Variants in TRIM3 observed in about 807,000 individuals in gnomAD.
TRIM3 encodes the protein tripartite motif containing 3.
In TRIM3, 13 loss-of-function variants were observed where a neutral mutation model predicts 66.6. That is an observed-to-expected ratio of 0.20 (90% CI 0.13 to 0.31). The LOEUF (loss-of-function observed/expected upper bound fraction) is 0.31. Among genes scored for constraint, TRIM3 ranks in the 10% least tolerant of loss-of-function variants. The probability of loss-of-function intolerance (pLI) is 1.00; values close to 1 mark genes in which losing one functional copy is unlikely to be tolerated. For synonymous variants in TRIM3, 406 were observed against 411.7 expected (o/e 0.99, Z 0.17); for missense variants, 711 against 1,020.4 (o/e 0.70, Z 4.13).
Position 6,456,174 on chromosome 11 carries a change from G to T in TRIM3, c.1431C>A (p.Gly477=). The change falls in exon 7 of 12, where the codon GGC becomes GGA. Residue 477 remains glycine, a splice_region_variant and synonymous_variant. Transcript: ENST00000345851. The surrounding 1 kb of genome is among the most constrained non-coding windows in gnomAD (Gnocchi z 6.4). Reference sequence around the variant, plus strand: ...ATTCACCTTTCTCCCTTCCACGACTGCCTGTGGGAAGGGACAGGAGGGAAA... The same window carrying T: ...ATTCACCTTTCTCCCTTCCACGACTTCCTGTGGGAAGGGACAGGAGGGAAA... ...PIEDELVFRV[G]SRGREKGEFT... 1 of 1,613,980 alleles carries T rather than the reference G, an allele frequency of 6.2e-7. No homozygotes were observed. The highest frequency in any genetic ancestry group is 8.5e-7 in the Non-Finnish European group (1 of 1,179,884).
intron 1 of TRIM3, among the ~76,000 whole-genome samples, chr11:6,472,316 T>C (rs1564978233): frequency 6.6e-6 from 1 of 152,232 alleles, no homozygotes; most frequent in Non-Finnish European, 1.5e-5. Flanking sequence ...GATTGTACCA[T>C]GAGCCCATGA....
intron 1 of TRIM3, among the ~76,000 whole-genome samples, chr11:6,467,759 AT>A (rs544188719): frequency 3.2e-4 from 49 of 152,066 alleles, no homozygotes; most frequent in African/African-American, 1.1e-3. Context: ...CAAAGTTGAG[AT>A]TCTGTCTCAA....
At chr11:6,460,497 G>A (rs1487765937) in intron 2 of TRIM3, among the ~76,000 whole-genome samples, 1 of 152,090 alleles carries the variant, frequency 6.6e-6, no homozygotes, top group Admixed American at 6.6e-5. Flanking sequence ...GGAGTGCCTC[G>A]GATTGGCCTG....
At chr11:6,459,151 C>G (rs888594194) in intron 2 of TRIM3, among the ~76,000 whole-genome samples, 1 of 152,096 alleles carries the variant, frequency 6.6e-6, no homozygotes, top group Non-Finnish European at 1.5e-5. Context: ...GTTAGCCTGA[C>G]CAAAGAATGG....
At chr11:6,453,607 T>A (rs897345333) in intron 7 of TRIM3, among the ~76,000 whole-genome samples, 1 of 152,228 alleles carries the variant, frequency 6.6e-6, no homozygotes, top group East Asian at 1.9e-4. Flanking sequence ...CTGAGAAGAA[T>A]GTGATTTAAC....
intron 2 of TRIM3, among the ~76,000 whole-genome samples, chr11:6,459,312 T>C (rs545292952): frequency 3.6e-4 from 55 of 152,316 alleles, no homozygotes; most frequent in Non-Finnish European, 5.9e-4. Context: ...TTAGAAGTTA[T>C]CCTGCCAGCA....
Position 6,456,057 on chromosome 11 carries a change from G to T in TRIM3, c.1533+15C>A. On this transcript the variant is annotated intron_variant, in intron 7 of 11. Transcript: ENST00000345851. This position sits in a 1 kb window ranked among gnomAD's most constrained non-coding sequence, Gnocchi z 6.4. ...TCTTATTTTGGTGGTGGAGGAGAGC[G>T]GTAAAGGTGCTTACCTGAATACACT... is the stretch of plus-strand genomic sequence containing the variant. 1 of 1,611,922 alleles carries T rather than the reference G, an allele frequency of 6.2e-7. No individual in the cohort carries two copies. Among genetic ancestry groups the T allele is most frequent in the Non-Finnish European group, 8.5e-7 (1 of 1,178,050 alleles).
rs1849956019 is a variant in TRIM3, at chr11:6,456,133, C to T, written c.1472G>A (p.Gly491Asp). The T allele has an allele frequency of 6.2e-7, 1 of 1,614,166 alleles. No homozygotes were observed. Among genetic ancestry groups the T allele is most frequent in the South Asian group, 1.1e-5 (1 of 91,078 alleles). Residue 491 changes from glycine to aspartate, a missense_variant, in exon 7 of 12, where the codon GGT becomes GAT. This residue lies in a region of TRIM3 where 399 missense variants were observed against 458.1 expected (regional missense o/e 0.87). Coordinates refer to ENST00000345851, the MANE Select transcript of TRIM3 (RefSeq NM_033278.4). The surrounding 1 kb of genome is among the most constrained non-coding windows in gnomAD (Gnocchi z 6.4). The part of the protein sequence containing the change: ...REKGEFTNLQ[G>D]VSAASSGRIV... The stretch of plus-strand genomic sequence containing the variant: ...GCGGCCGCTGCTGGCTGCGGACACA[C>T]CTTGTAAATTGGTGAATTCACCTTT...
chr11:6,467,710 A>G (rs1850523478), intron 1 of TRIM3, among the ~76,000 whole-genome samples: 1 of 152,164 alleles, frequency 6.6e-6, no homozygotes, highest in Non-Finnish European at 1.5e-5. Context: ...GGCTGCAGTG[A>G]GCCATAATCG....
At chr11:6,470,893 A>G (rs1173142592) in intron 1 of TRIM3, among the ~76,000 whole-genome samples, 1 of 152,246 alleles carries the variant, frequency 6.6e-6, no homozygotes, top group Non-Finnish European at 1.5e-5. Context: ...AACAGATGTC[A>G]TGAATGCCAA....
Position 6,448,682 on chromosome 11 carries a change from T to C in TRIM3, c.*346A>G, listed in dbSNP as rs529780217. ...GTCTCTGTCAGTGTGTATAGGGTGG[T>C]AGGGAGACAACTAGAGGGACTCCTG... On this transcript the variant is annotated 3_prime_UTR_variant, in exon 12 of 12. Coordinates refer to ENST00000345851, the MANE Select transcript of TRIM3 (RefSeq NM_033278.4). The C allele has an allele frequency of 9.3e-5, 54 of 583,678 alleles. No individual in the cohort carries two copies. In the African/African-American group the frequency reaches 9.3e-4, roughly 10 times the overall value. The allele number at this position is 583,678 out of a possible 1,614,324, so 36.2% of individuals were successfully genotyped here. A position where few individuals can be genotyped will look rare whatever the true frequency, so the allele number is the denominator to read the frequency against.
Position 6,465,713 on chromosome 11 carries a change from C to T in TRIM3, c.-18G>A, listed in dbSNP as rs200203203. 9.9e-6 allele frequency: 16 copies of T among 1,613,474 alleles called. No homozygotes were observed. In the East Asian group the frequency reaches 3.6e-4, roughly 36 times the overall value. ...TTTGCCATGGCGCCCACAGATGGCT[C>T]CCGCCACTCACACCAGCCTCTGTAT... On this transcript the variant is annotated 5_prime_UTR_variant, in exon 2 of 12. Transcript: ENST00000345851.
chr11:6,462,892 T>TA (rs202036047), intron 2 of TRIM3, among the ~76,000 whole-genome samples: 474 of 145,860 alleles, frequency 3.2e-3, no homozygotes, highest in African/African-American at 4.6e-3. Flanking sequence ...CACTCATCTC[T>TA]AAAAAAAAAA....
chr11:6,458,466 C>A lies in TRIM3; in HGVS notation c.132-170G>T, dbSNP rs1850089542. On this transcript the variant is annotated intron_variant, in intron 2 of 11. Transcript: ENST00000345851. The surrounding 1 kb of genome is among the most constrained non-coding windows in gnomAD (Gnocchi z 6.2). ...TCTGCCAGCAGGTATAATGGCCTTGCCCCTTACAACTGAGTAGGAACACAC... is the reference window on the plus strand; with the variant it reads ...TCTGCCAGCAGGTATAATGGCCTTGACCCTTACAACTGAGTAGGAACACAC... The A allele has an allele frequency of 8.2e-6, 5 of 610,560 alleles. No individual in the cohort carries two copies. Among genetic ancestry groups the A allele is most frequent in the Middle Eastern group, 4.4e-4 (1 of 2,292 alleles). 37.8% of individuals were successfully genotyped at this position (610,560 alleles called of 1,614,324 possible).
At chr11:6,470,837 C>T (rs893906996) in intron 1 of TRIM3, among the ~76,000 whole-genome samples, 2 of 152,098 alleles carry the variant, frequency 1.3e-5, no homozygotes, top group African/African-American at 4.8e-5. Context: ...GCAGAGTCTG[C>T]AAAGAAGATT....
chr11:6,467,913 G>A (rs1731044258), intron 1 of TRIM3, among the ~76,000 whole-genome samples: 1 of 152,214 alleles, frequency 6.6e-6, no homozygotes, highest in South Asian at 2.1e-4. Context: ...AAAACAGTTA[G>A]GAAGCTACCA....
chr11:6,449,295 G>A lies in TRIM3; in HGVS notation c.2082+11C>T, dbSNP rs750246770. The A allele has an allele frequency of 1.2e-6, 2 of 1,613,276 alleles. No individual in the cohort carries two copies. The highest frequency in any genetic ancestry group is 8.5e-7 in the Non-Finnish European group (1 of 1,179,454). On this transcript the variant is annotated intron_variant, in intron 11 of 11. Transcript: ENST00000345851. The surrounding 1 kb of genome is among the most constrained non-coding windows in gnomAD (Gnocchi z 5.3). ...AACCGCCCCCTCATGTCATTCCCAG[G>A]CCTTACTCACCTGGATGCGGCTGTT...
intron 1 of TRIM3, among the ~76,000 whole-genome samples, chr11:6,469,705 G>A (rs190184939): frequency 8.1e-4 from 124 of 152,280 alleles, no homozygotes; most frequent in African/African-American, 2.8e-3. Flanking sequence ...AGCCTTCATG[G>A]ATTCCACAAT....
At chr11:6,467,331 G>T (rs574049355) in intron 1 of TRIM3, among the ~76,000 whole-genome samples, 1 of 152,296 alleles carries the variant, frequency 6.6e-6, no homozygotes, top group South Asian at 2.1e-4. Context: ...TGAAGAAACA[G>T]CATGATAAAG....
Sources: gnomAD v4.1 joint callset for allele counts (sites outside exome capture counted in the v4.1 genomes callset) on GRCh38, gnomAD v4.1.1 for gene constraint, gnomAD v4.1.1 regional missense constraint, Gnocchi (gnomAD v3.1) non-coding constraint, MANE v1.5 for transcripts, NCBI Gene and HGNC (gene_info 2026-07-23, HGNC 2026-07-21) for gene names.